Variants in TEC observed in about 807,000 individuals in gnomAD.
TEC encodes the protein tyrosine-protein kinase Tec.
Under a neutral mutation model 93.0 loss-of-function variants are expected in TEC, and 72 were observed. The observed-to-expected ratio is 0.77, with a 90% CI of 0.64 to 0.94. The LOEUF (loss-of-function observed/expected upper bound fraction) is 0.94. TEC is among the 40% of genes least tolerant of loss of function. TEC has a pLI of 0.00. For synonymous variants in TEC, 249 were observed against 247.7 expected (o/e 1.01, Z -0.05); for missense variants, 630 against 757.9 (o/e 0.83, Z 1.98).
At chr4:48,197,482 TA>T (rs766316471) in intron 2 of TEC, among the ~76,000 whole-genome samples, 3 of 151,952 alleles carry the variant, frequency 2.0e-5, no homozygotes, top group East Asian at 3.9e-4. Context: ...TAAAGGCACT[TA>T]AAAAAAACAG....
chr4:48,204,143 G>A (rs1722625665), intron 2 of TEC, among the ~76,000 whole-genome samples: 1 of 152,196 alleles, frequency 6.6e-6, no homozygotes, highest in Non-Finnish European at 1.5e-5. Context: ...CTGGCATCTG[G>A]AAACTTGAAT....
intron 14 of TEC, among the ~76,000 whole-genome samples, chr4:48,142,982 G>A (rs1296059352): frequency 6.6e-6 from 1 of 152,076 alleles, no homozygotes; most frequent in East Asian, 1.9e-4. Flanking sequence ...ACACCTGGCC[G>A]ATAATATTTT....
chr4:48,164,382 G>A lies in TEC; in HGVS notation c.672-615C>T, dbSNP rs1028788436. Among the ~76,000 whole-genome samples, 6 of 152,186 alleles carry A rather than the reference G, an allele frequency of 3.9e-5. No homozygotes were observed. The East Asian group carries it at 5.8e-4, about 15-fold the overall frequency. ...ACCTATGTGAGGTCAAAAAATGTCCGATTTTACCCCAAATGACTTTCACAC... is the reference window on the plus strand; with the variant it reads ...ACCTATGTGAGGTCAAAAAATGTCCAATTTTACCCCAAATGACTTTCACAC... On this transcript the variant is annotated intron_variant, in intron 7 of 17. Transcript: ENST00000381501.
chr4:48,166,755 T>C (rs1286332869), intron 7 of TEC, among the ~76,000 whole-genome samples: 2 of 151,800 alleles, frequency 1.3e-5, no homozygotes, highest in Non-Finnish European at 2.9e-5. Flanking sequence ...AGAGAAGCAG[T>C]GACAACCTTC....
intron 3 of TEC, among the ~76,000 whole-genome samples, chr4:48,173,500 T>C (rs1308129670): frequency 6.6e-6 from 1 of 152,230 alleles, no homozygotes; most frequent in Non-Finnish European, 1.5e-5. Flanking sequence ...TGTTGGCCTC[T>C]TGGGGAGAAG....
In TEC at chr4:48,228,462, G is replaced by A. The variant is rs769309803; in HGVS notation, c.138+15C>T. On this transcript the variant is annotated intron_variant, in intron 2 of 17. Transcript: ENST00000381501. Reference sequence around the variant, plus strand: ...TACATAGAAAGCAGAAAAGTAAATCGTGATTGTCTCTTACCTCTGCTCGAC... The same window carrying A: ...TACATAGAAAGCAGAAAAGTAAATCATGATTGTCTCTTACCTCTGCTCGAC... 6 of 1,562,962 alleles carry A rather than the reference G, an allele frequency of 3.8e-6. No individual in the cohort carries two copies. The highest frequency in any genetic ancestry group is 3.6e-5 in the South Asian group (3 of 83,144).
chr4:48,233,811 T>A (rs1723707360), intron 1 of TEC, among the ~76,000 whole-genome samples: 4 of 135,770 alleles, frequency 2.9e-5, no homozygotes, highest in African/African-American at 2.7e-5. Flanking sequence ...ATTGAGAAAC[T>A]CTCCCAAAAA....
intron 8 of TEC, among the ~76,000 whole-genome samples, chr4:48,158,318 T>C (rs1334194682): frequency 6.6e-6 from 1 of 152,200 alleles, no homozygotes; most frequent in Non-Finnish European, 1.5e-5. Context: ...GATATTTTAT[T>C]TGGAATCGGA....
At position 48,171,456 on chromosome 4, in the gene TEC, T is replaced by C. The variant is rs376894272; in HGVS notation, c.244-7A>G. ...TGTTAGCATCATGAACAACCTAAAA[T>C]AAAACAAAAGATGGAATTGGTGAAG... On this transcript the variant is annotated splice_polypyrimidine_tract_variant and splice_region_variant and intron_variant, in intron 3 of 17. Coordinates refer to ENST00000381501, the MANE Select transcript of TEC (RefSeq NM_003215.3). 102 of 1,612,326 alleles carry C rather than the reference T, an allele frequency of 6.3e-5. No homozygotes were observed. The highest frequency in any genetic ancestry group is 8.1e-5 in the Non-Finnish European group (95 of 1,179,304).
At chr4:48,245,248 G>A (rs1724023397) in intron 1 of TEC, among the ~76,000 whole-genome samples, 1 of 150,896 alleles carries the variant, frequency 6.6e-6, no homozygotes, top group Admixed American at 6.6e-5. Flanking sequence ...AGCCGAGATC[G>A]CGCCACGGCA....
In TEC at chr4:48,167,783, T is replaced by C. The variant is rs1470535189; in HGVS notation, c.666A>G (p.Lys222=). ...NDVHWWRARD[K]YGNEGYIPSN... ...CACATAGAGGGAATACTTACCCATA[T>C]TTATCTCTTGCTCTCCACCAATGAA... The change falls in exon 7 of 18, where the codon AAA becomes AAG. Residue 222 remains lysine, a synonymous_variant. Coordinates refer to ENST00000381501, the MANE Select transcript of TEC (RefSeq NM_003215.3). 3 of 1,613,662 alleles carry C rather than the reference T, an allele frequency of 1.9e-6. No homozygotes were observed. Among genetic ancestry groups the C allele is most frequent in the South Asian group, 2.2e-5 (2 of 91,046 alleles).
intron 1 of TEC, among the ~76,000 whole-genome samples, chr4:48,241,857 G>A (rs1723931303): frequency 6.6e-6 from 1 of 151,986 alleles, no homozygotes; most frequent in African/African-American, 2.4e-5. Flanking sequence ...TTCAGTTCAT[G>A]AGCTAATTTG....
At chr4:48,243,205 T>C (rs1182040326) in intron 1 of TEC, among the ~76,000 whole-genome samples, 1 of 152,198 alleles carries the variant, frequency 6.6e-6, no homozygotes, top group Non-Finnish European at 1.5e-5. Context: ...TCACCTGATG[T>C]CCAGTATCTT....
At chr4:48,198,375 C>T (rs948688110) in intron 2 of TEC, among the ~76,000 whole-genome samples, 11 of 152,202 alleles carry the variant, frequency 7.2e-5, no homozygotes, top group African/African-American at 2.2e-4. Context: ...TAAAACCATC[C>T]TCCAGGCTAA....
chr4:48,164,997 C>A (rs962251124), intron 7 of TEC, among the ~76,000 whole-genome samples: 11 of 151,680 alleles, frequency 7.3e-5, no homozygotes, highest in African/African-American at 1.5e-4. Flanking sequence ...CGAGACAGAA[C>A]GAGACTCCAT....
intron 2 of TEC, among the ~76,000 whole-genome samples, chr4:48,177,164 T>C (rs1034048847): frequency 1.3e-5 from 2 of 152,200 alleles, no homozygotes; most frequent in African/African-American, 4.8e-5. Context: ...GAATTTATCC[T>C]AGGGAAAAAT....
chr4:48,208,226 C>T (rs1314444091), intron 2 of TEC, among the ~76,000 whole-genome samples: 2 of 152,136 alleles, frequency 1.3e-5, no homozygotes, highest in Admixed American at 6.5e-5. Flanking sequence ...AATATTTGGC[C>T]ATGAAAGGGA....
intron 2 of TEC, among the ~76,000 whole-genome samples, chr4:48,201,933 T>G (rs557674211): frequency 3.6e-4 from 54 of 151,098 alleles, no homozygotes; most frequent in African/African-American, 1.2e-3. Context: ...GGCTGCCAGA[T>G]TCCAAAGTAC....
chr4:48,257,620 AG>A (rs1310877737), intron 1 of TEC, among the ~76,000 whole-genome samples: 2 of 152,220 alleles, frequency 1.3e-5, no homozygotes, highest in Non-Finnish European at 2.9e-5. Context: ...GGCTGCCTGG[AG>A]GATTAAACCT....
Sources: allele counts gnomAD v4.1 joint callset (sites outside exome capture counted in the v4.1 genomes callset), GRCh38; gene constraint gnomAD v4.1.1; transcripts MANE v1.5; gene names NCBI Gene and HGNC (gene_info 2026-07-23, HGNC 2026-07-21).